The following LSAMP variants were observed in gnomAD, a reference collection of about 807,000 sequenced individuals.
LSAMP encodes limbic system-associated membrane protein.
A neutral mutation model predicts 38.6 loss-of-function variants in LSAMP; 7 were observed. The ratio of observed to expected loss-of-function variants is 0.18; its 90% CI spans 0.10 to 0.34. The LOEUF is 0.34. LSAMP is among the 10% of genes least tolerant of loss of function. The pLI is 1.00. For missense variants in LSAMP, 313 were observed against 420.0 expected (o/e 0.75, Z 2.23); for synonymous variants, 154 against 166.8 (o/e 0.92, Z 0.59).
chr3:115,970,123 G>T (rs1938966630), intron 3 of LSAMP, among the ~76,000 whole-genome samples: 1 of 152,220 alleles, frequency 6.6e-6, no homozygotes, highest in South Asian at 2.1e-4. Flanking sequence ...TAAAACCAGG[G>T]AAATAGGCAG....
chr3:116,330,141 T>C (rs1559830330), intron 1 of LSAMP, among the ~76,000 whole-genome samples: 1 of 152,186 alleles, frequency 6.6e-6, no homozygotes, highest in Non-Finnish European at 1.5e-5. Context: ...TGTTTCCTCA[T>C]TGAGACAACA....
intron 1 of LSAMP, among the ~76,000 whole-genome samples, chr3:116,298,341 T>A (rs1470979142): frequency 6.6e-6 from 1 of 152,132 alleles, no homozygotes; most frequent in African/African-American, 2.4e-5. Context: ...TTTTAGCAAG[T>A]AAATCATGGA....
chr3:116,130,725 G>A (rs1048348247), intron 1 of LSAMP, among the ~76,000 whole-genome samples: 5 of 152,054 alleles, frequency 3.3e-5, no homozygotes, highest in Non-Finnish European at 5.9e-5. Context: ...AGTATAGAAA[G>A]TACAGTTTTT....
Position 115,898,598 on chromosome 3 carries a change from CATATAT to C in LSAMP, c.515-45987_515-45982del, listed in dbSNP as rs10527269. On this transcript the variant is annotated intron_variant, in intron 3 of 6. Transcript: ENST00000490035. ...TGATTGCCTCATTTGCATGAAGATG[CATATAT>C]ATATATATATATATATATATGCACC... Among the ~76,000 whole-genome samples the C allele has an allele frequency of 2.6e-3, 364 of 142,044 alleles. 3 individuals carry two copies. The highest frequency in any genetic ancestry group is 8.9e-3 in the African/African-American group (346 of 38,902). The allele number at this position is 142,044 out of a possible 152,430, so 93.2% of individuals were successfully genotyped here.
At chr3:116,029,540 TA>T in intron 2 of LSAMP, among the ~76,000 whole-genome samples, 1 of 152,218 alleles carries the variant, frequency 6.6e-6, no homozygotes, top group Admixed American at 6.6e-5. Flanking sequence ...GATAATATGC[TA>T]ACTATTTAGA....
intron 1 of LSAMP, among the ~76,000 whole-genome samples, chr3:116,432,284 C>T (rs1455293704): frequency 2.0e-5 from 3 of 151,598 alleles, no homozygotes; most frequent in Non-Finnish European, 4.4e-5. Context: ...ATTTTATGTA[C>T]ATATAAAAAT....
intron 3 of LSAMP, among the ~76,000 whole-genome samples, chr3:115,987,213 C>G (rs1439707054): frequency 6.6e-6 from 1 of 152,164 alleles, no homozygotes; most frequent in Non-Finnish European, 1.5e-5. Flanking sequence ...CATTTCTAAG[C>G]CTCCCCTGTG....
At chr3:116,381,380 A>T (rs2048556375) in intron 1 of LSAMP, among the ~76,000 whole-genome samples, 1 of 152,070 alleles carries the variant, frequency 6.6e-6, no homozygotes, top group Non-Finnish European at 1.5e-5. Flanking sequence ...TTCTTGACAA[A>T]CTTTCCTCAT....
chr3:116,425,966 G>A (rs1315064112), intron 1 of LSAMP, among the ~76,000 whole-genome samples: 1 of 151,760 alleles, frequency 6.6e-6, no homozygotes, highest in South Asian at 2.1e-4. Context: ...ATGAGAGAGA[G>A]ATACTTTAAG....
chr3:116,091,459 T>C (rs367566892), intron 1 of LSAMP, among the ~76,000 whole-genome samples: 5 of 152,176 alleles, frequency 3.3e-5, no homozygotes, highest in East Asian at 1.9e-4. Context: ...AGGGTATTGA[T>C]TGGGGAAGTG....
intron 1 of LSAMP, among the ~76,000 whole-genome samples, chr3:116,283,731 T>C (rs2047158593): frequency 6.6e-6 from 1 of 152,214 alleles, no homozygotes; most frequent in African/African-American, 2.4e-5. Flanking sequence ...GTTGTGACGG[T>C]ATGTGCCTAA....
intron 3 of LSAMP, among the ~76,000 whole-genome samples, chr3:115,935,427 C>A (rs1390975916): frequency 6.6e-6 from 1 of 152,148 alleles, no homozygotes; most frequent in Non-Finnish European, 1.5e-5. Flanking sequence ...CACAATCTTG[C>A]CTTTATGGTC....
chr3:116,268,715 A>C (rs2046928699), intron 1 of LSAMP, among the ~76,000 whole-genome samples: 1 of 151,578 alleles, frequency 6.6e-6, no homozygotes, highest in Admixed American at 6.6e-5. Flanking sequence ...TTCTTTAAAA[A>C]TTTTACTCTT....
intron 1 of LSAMP, among the ~76,000 whole-genome samples, chr3:116,296,021 C>T (rs754109056): frequency 6.6e-5 from 10 of 152,248 alleles, no homozygotes; most frequent in Non-Finnish European, 1.2e-4. Context: ...TCTGTGTGTG[C>T]TGGAAGAGCT....
At chr3:116,209,782 C>A (rs543596017) in intron 1 of LSAMP, among the ~76,000 whole-genome samples, 79 of 152,102 alleles carry the variant, frequency 5.2e-4, no homozygotes, top group Non-Finnish European at 7.9e-4. Flanking sequence ...GTTGGAGTTT[C>A]ACTCTGTCCC....
chr3:115,907,934 C>G (rs759002403), intron 3 of LSAMP, among the ~76,000 whole-genome samples: 1 of 152,038 alleles, frequency 6.6e-6, no homozygotes, highest in African/African-American at 2.4e-5. Context: ...AAATGGGCAA[C>G]ATAGCCCCAT....
In LSAMP at chr3:115,808,589, C is replaced by G. The variant is rs1311622144; in HGVS notation, c.*1728G>C. On this transcript the variant is annotated 3_prime_UTR_variant, in exon 7 of 7. Transcript: ENST00000490035. ...CATTTCAGTGTTAATGTCAAGATGA[C>G]TCTTATAGATGTAAATTTAAATAGA... 1 of 152,132 alleles carries G rather than the reference C, an allele frequency of 6.6e-6. No homozygotes were observed. The highest frequency in any genetic ancestry group is 1.9e-4 in the East Asian group (1 of 5,182). The allele number at this position is 152,132 out of a possible 1,614,324, so 9.4% of individuals were successfully genotyped here. A position where few individuals can be genotyped will look rare whatever the true frequency, so the allele number is the denominator to read the frequency against.
chr3:115,929,976 T>C (rs1301384573), intron 3 of LSAMP, among the ~76,000 whole-genome samples: 1 of 146,050 alleles, frequency 6.8e-6, no homozygotes, highest in Non-Finnish European at 1.5e-5. Flanking sequence ...AAATGTTTAT[T>C]ATCCAGATCT....
chr3:116,420,880 A>C (rs1278883432), intron 1 of LSAMP, among the ~76,000 whole-genome samples: 2 of 152,234 alleles, frequency 1.3e-5, no homozygotes, highest in African/African-American at 4.8e-5. Context: ...TGTGTCTTAA[A>C]AAATAAATAT....
Sources: gnomAD v4.1 joint callset for allele counts (sites outside exome capture counted in the v4.1 genomes callset) on GRCh38, gnomAD v4.1.1 for gene constraint, MANE v1.5 for transcripts, NCBI Gene and HGNC (gene_info 2026-07-23, HGNC 2026-07-21) for gene names.